Variants in NRG3 observed in about 807,000 individuals in gnomAD.
The protein encoded by NRG3 is pro-neuregulin-3, membrane-bound isoform.
Under a neutral mutation model 66.9 loss-of-function variants are expected in NRG3, and 31 were observed. The observed-to-expected ratio is 0.46, with a 90% confidence interval of 0.35 to 0.63. The LOEUF (loss-of-function observed/expected upper bound fraction) is 0.63. Among genes scored for constraint, NRG3 ranks in the 20% least tolerant of loss-of-function variants. NRG3 has a pLI of 0.00. For missense variants in NRG3, 910 were observed against 878.9 expected, an observed-to-expected ratio of 1.04 and a Z score of -0.45; for synonymous variants, 393 against 359.4, an observed-to-expected ratio of 1.09 and a Z score of -1.06.
intron 3 of NRG3, among the ~76,000 whole-genome samples, chr10:82,801,550 C>A (rs2061039411): frequency 6.6e-6 from 1 of 152,106 alleles, no homozygotes; most frequent in Non-Finnish European, 1.5e-5. Flanking sequence ...ATCATTGTGT[C>A]ATTGGTATCC....
intron 2 of NRG3, among the ~76,000 whole-genome samples, chr10:82,413,509 G>T (rs1004536537): frequency 6.6e-6 from 1 of 152,058 alleles, no homozygotes; most frequent in Non-Finnish European, 1.5e-5. Flanking sequence ...TACAGTTTCC[G>T]GAATGATAAA....
rs567512511 is a variant in NRG3, at chr10:81,914,078, C to T, written c.823+37915C>T. Among the ~76,000 whole-genome samples, 9 of 152,206 alleles carry T rather than the reference C, an allele frequency of 5.9e-5. No homozygotes were observed. The South Asian group carries it at 1.5e-3, about 25-fold the overall frequency. ...GGCATGCCACATTGGCTAAATATAT[C>T]GACCATCACCTCTGCATGCACAGCA... On this transcript the variant is annotated intron_variant, in intron 1 of 8. Transcript: ENST00000372141.
At chr10:82,197,752 C>A (rs1440380596) in intron 1 of NRG3, among the ~76,000 whole-genome samples, 4 of 152,118 alleles carry the variant, frequency 2.6e-5, no homozygotes, top group Admixed American at 2.6e-4. Context: ...TATTCTAGAA[C>A]TTAATTGATT....
chr10:82,331,182 T>G (rs1438958836), intron 1 of NRG3, among the ~76,000 whole-genome samples: 1 of 152,216 alleles, frequency 6.6e-6, no homozygotes, highest in Non-Finnish European at 1.5e-5. Flanking sequence ...ACCCATGCTC[T>G]TTTCCTCAAT....
intron 1 of NRG3, among the ~76,000 whole-genome samples, chr10:82,048,821 TG>T (rs2133103815): frequency 6.6e-6 from 1 of 151,202 alleles, no homozygotes; most frequent in South Asian, 2.1e-4. Context: ...GCTGGTTTTT[TG>T]AAAGGATCAA....
At chr10:82,828,825 C>G (rs1396892022) in intron 3 of NRG3, among the ~76,000 whole-genome samples, 2 of 152,120 alleles carry the variant, frequency 1.3e-5, no homozygotes, top group African/African-American at 4.8e-5. Flanking sequence ...ACCAACATAA[C>G]CAGCTTCTTC....
chr10:82,905,051 C>G (rs751137797), intron 4 of NRG3, among the ~76,000 whole-genome samples: 11 of 152,110 alleles, frequency 7.2e-5, no homozygotes, highest in Non-Finnish European at 1.5e-4. Flanking sequence ...TGCTCCAAGG[C>G]TGAGTTCATA....
At chr10:82,216,505 T>C (rs1564673592) in intron 1 of NRG3, among the ~76,000 whole-genome samples, 1 of 148,462 alleles carries the variant, frequency 6.7e-6, no homozygotes, top group African/African-American at 2.5e-5. Flanking sequence ...TCTATACATA[T>C]ACACACACAT....
chr10:82,379,979 C>A (rs1167296870), intron 2 of NRG3, among the ~76,000 whole-genome samples: 3 of 150,056 alleles, frequency 2.0e-5, no homozygotes, highest in African/African-American at 7.3e-5. Flanking sequence ...ATAATATTCT[C>A]AAATGCAATT....
At chr10:82,808,911 G>A (rs2061388980) in intron 3 of NRG3, among the ~76,000 whole-genome samples, 2 of 152,196 alleles carry the variant, frequency 1.3e-5, no homozygotes, top group Admixed American at 1.3e-4. Context: ...TGGGGTCAGT[G>A]CTACAGTGTT....
At chr10:82,170,654 GTATATA>G (rs370773918) in intron 1 of NRG3, among the ~76,000 whole-genome samples, 4,444 of 73,996 alleles carry the variant, frequency 0.06, 140 homozygotes, top group Middle Eastern at 0.088. Context: ...AAAACTTGTG[GTATATA>G]TATATATATA....
intron 2 of NRG3, among the ~76,000 whole-genome samples, chr10:82,559,767 A>G (rs1287100501): frequency 1.3e-5 from 2 of 152,194 alleles, no homozygotes; most frequent in African/African-American, 4.8e-5. Context: ...AACAGTATCA[A>G]TGGAAAGTCA....
At chr10:82,904,318 C>T (rs552254905) in intron 4 of NRG3, among the ~76,000 whole-genome samples, 59 of 152,186 alleles carry the variant, frequency 3.9e-4, no homozygotes, top group Middle Eastern at 6.8e-3. Flanking sequence ...ACTGGACACC[C>T]CTGGTGTAAG....
At chr10:82,956,399 GAAGA>G (rs1054350447) in intron 5 of NRG3, among the ~76,000 whole-genome samples, 1 of 151,854 alleles carries the variant, frequency 6.6e-6, no homozygotes, top group African/African-American at 2.4e-5. Flanking sequence ...CTGGGTGAAG[GAAGA>G]AAGAGCAAAA....
intron 4 of NRG3, among the ~76,000 whole-genome samples, chr10:82,934,039 A>T (rs373193156): frequency 6.6e-6 from 1 of 152,162 alleles, no homozygotes; most frequent in Non-Finnish European, 1.5e-5. Flanking sequence ...TTTATTTTCT[A>T]TCTCTAGGAA....
intron 2 of NRG3, among the ~76,000 whole-genome samples, chr10:82,477,473 G>A (rs1446522777): frequency 2.0e-5 from 3 of 152,140 alleles, no homozygotes; most frequent in African/African-American, 7.2e-5. Flanking sequence ...TTCCTATTAT[G>A]TGTCCGAGCA....
intron 2 of NRG3, among the ~76,000 whole-genome samples, chr10:82,723,387 G>A (rs967649742): frequency 2.6e-5 from 4 of 152,098 alleles, no homozygotes; most frequent in African/African-American, 9.7e-5. Context: ...CTGGGTAATG[G>A]GGTCGATTGA....
intron 2 of NRG3, among the ~76,000 whole-genome samples, chr10:82,721,199 T>C (rs1284591179): frequency 2.4e-5 from 3 of 123,394 alleles, no homozygotes; most frequent in Admixed American, 2.1e-4. Flanking sequence ...TAGCGTGATC[T>C]CCGCTCACTG....
At chr10:82,721,542 C>A (rs891621595) in intron 2 of NRG3, among the ~76,000 whole-genome samples, 10 of 152,116 alleles carry the variant, frequency 6.6e-5, no homozygotes, top group South Asian at 2.1e-4. Context: ...CCTGCCTCAG[C>A]CTTTCGAGTA....
Sources: gnomAD v4.1 joint callset for allele counts (sites outside exome capture counted in the v4.1 genomes callset) on GRCh38, gnomAD v4.1.1 for gene constraint, MANE v1.5 for transcripts, NCBI Gene and HGNC (gene_info 2026-07-23, HGNC 2026-07-21) for gene names.